FRMD5: variants seen among roughly 807,000 people sequenced by gnomAD.
FRMD5 encodes FERM domain-containing protein 5.
A neutral mutation model predicts 69.0 loss-of-function variants in FRMD5; 20 were observed. The observed-to-expected ratio is 0.29, with a 90% CI of 0.20 to 0.42. The LOEUF is 0.42. Ranked by LOEUF, FRMD5 falls within the 10% of genes least tolerant of loss-of-function variation. The pLI, the probability that FRMD5 is intolerant of heterozygous loss-of-function variation, is 1.00. For missense variants in FRMD5, 595 were observed against 708.6 expected (o/e 0.84, Z 1.82); for synonymous variants, 271 against 260.1 (o/e 1.04, Z -0.40).
chr15:44,129,962 T>G (rs547317463), intron 1 of FRMD5, among the ~76,000 whole-genome samples: 4 of 152,304 alleles, frequency 2.6e-5, no homozygotes, highest in Non-Finnish European at 5.9e-5. Context: ...GAACATCAGC[T>G]TGGGGAAGGC....
At chr15:44,110,954 A>G (rs2076787798) in intron 1 of FRMD5, among the ~76,000 whole-genome samples, 2 of 152,198 alleles carry the variant, frequency 1.3e-5, no homozygotes, top group African/African-American at 4.8e-5. Flanking sequence ...AAAGACTCGG[A>G]TATCTCTCCC....
chr15:43,998,107 T>C (rs965006347), intron 1 of FRMD5, among the ~76,000 whole-genome samples: 3 of 152,206 alleles, frequency 2.0e-5, no homozygotes, highest in African/African-American at 7.2e-5. Flanking sequence ...AACTAAGGTA[T>C]TGTCATCAGG....
intron 1 of FRMD5, among the ~76,000 whole-genome samples, chr15:43,984,940 C>T (rs1396264685): frequency 7.1e-6 from 1 of 141,128 alleles, no homozygotes; most frequent in East Asian, 2.2e-4. Context: ...GCCGAGATCG[C>T]GCCACTGCAC....
intron 1 of FRMD5, among the ~76,000 whole-genome samples, chr15:44,087,632 T>C (rs1894255433): frequency 6.6e-6 from 1 of 152,118 alleles, no homozygotes; most frequent in African/African-American, 2.4e-5. Context: ...ATCCCAAAAT[T>C]GTTGTAAGGA....
intron 1 of FRMD5, among the ~76,000 whole-genome samples, chr15:44,075,927 A>AT (rs1298662542): frequency 2.0e-5 from 3 of 152,038 alleles, no homozygotes; most frequent in Admixed American, 2.0e-4. Context: ...GATGATGAGC[A>AT]TTTTTTCATG....
chr15:43,982,260 G>A (rs1258708409), intron 1 of FRMD5, among the ~76,000 whole-genome samples: 2 of 152,194 alleles, frequency 1.3e-5, no homozygotes, highest in Non-Finnish European at 2.9e-5. Context: ...TTGAACTCAT[G>A]GGGTTCTGGG....
rs767954305 is a variant in FRMD5 at position 43,888,894 on chromosome 15, C to T, written c.729-22G>A. On this transcript the variant is annotated intron_variant, in intron 8 of 13. Transcript: ENST00000417257. ...ATTCCTAGAAGCACAAAGATAGTGC[C>T]TGTCACCTCATTGTGGGCTGCTTGT... The T allele has an allele frequency of 5.0e-6, 8 of 1,608,078 alleles. No homozygotes were observed. The South Asian group carries it at 8.8e-5, about 18-fold the overall frequency.
rs537981706 is a variant in FRMD5 at position 44,024,988 on chromosome 15, A to G, written c.103-100679T>C. 1.2e-4 allele frequency among the ~76,000 whole-genome samples: 19 copies of G among 152,314 alleles called. 1 individual carries two copies. In the South Asian group the frequency reaches 2.3e-3, roughly 18 times the overall value. On this transcript the variant is annotated intron_variant, in intron 1 of 13. Transcript: ENST00000417257. ...GTAACAGATTTGCTTTTAAATCTCA[A>G]CTTTACCAAACTAGCTGTATGAATT...
chr15:43,902,552 C>T (rs957557477), intron 6 of FRMD5, among the ~76,000 whole-genome samples: 16 of 151,892 alleles, frequency 1.1e-4, no homozygotes, highest in Admixed American at 3.3e-4. Context: ...ATTCCCATCA[C>T]TGAGAATGCA....
Position 43,874,351 on chromosome 15 carries a change from A to G in FRMD5, c.1247T>C (p.Val416Ala), listed in dbSNP as rs1238336263. The G allele has an allele frequency of 3.1e-6, 5 of 1,613,986 alleles. No individual in the cohort carries two copies. The highest frequency in any genetic ancestry group is 4.2e-6 in the Non-Finnish European group (5 of 1,180,004). Residue 416 changes from valine to alanine, a missense_variant, in exon 14 of 14, where the codon GTA becomes GCA. Val to Ala is a moderately conservative substitution (Grantham distance 64, BLOSUM62 0). Around this residue, in one of 5 missense-constraint regions of FRMD5, gnomAD observed 245 missense variants for 227.1 expected, o/e 1.08. Transcript: ENST00000417257. ...GTAGGCCTCGTCTGCAATCACAGCT[A>G]CTCGCTCATTGCTATCTGTCCGGCT... is the stretch of plus-strand genomic sequence containing the variant. ...RSSRTDSNER[V>A]AVIADEAYSP...
chr15:44,154,780 G>C (rs1247049590), intron 1 of FRMD5, among the ~76,000 whole-genome samples: 1 of 152,182 alleles, frequency 6.6e-6, no homozygotes, highest in Non-Finnish European at 1.5e-5. Flanking sequence ...GGCTGAAAGG[G>C]AGAGGTTACA....
At chr15:44,018,060 T>C (rs1313322778) in intron 1 of FRMD5, among the ~76,000 whole-genome samples, 1 of 152,218 alleles carries the variant, frequency 6.6e-6, no homozygotes, top group African/African-American at 2.4e-5. Context: ...TATATTAGCA[T>C]TTAAATCAAT....
chr15:44,015,206 ACT>A (rs963118366), intron 1 of FRMD5, among the ~76,000 whole-genome samples: 2 of 151,886 alleles, frequency 1.3e-5, no homozygotes, highest in Non-Finnish European at 2.9e-5. Context: ...TGTGATCATA[ACT>A]CACTGCAGCC....
At position 44,178,247 on chromosome 15, in the gene FRMD5, C is replaced by G. The variant is rs9972401; in HGVS notation, c.102+16706G>C. On this transcript the variant is annotated intron_variant, in intron 1 of 13. Coordinates refer to ENST00000417257, the MANE Select transcript of FRMD5 (RefSeq NM_032892.5). ...GCTCACACAAGGAGAATCGCTTGAA[C>G]CTGGGAGGTGGAAGTTGCAGCGAGC... Among the ~76,000 whole-genome samples the G allele has an allele frequency of 2.5e-4, 38 of 152,194 alleles. 1 individual carries two copies. Among genetic ancestry groups the G allele is most frequent in the African/African-American group, 8.9e-4 (37 of 41,506 alleles).
chr15:44,094,283 G>A (rs2076519371), intron 1 of FRMD5, among the ~76,000 whole-genome samples: 1 of 152,192 alleles, frequency 6.6e-6, no homozygotes, highest in African/African-American at 2.4e-5. Context: ...AGCAGAGGGA[G>A]AGGGAGCATG....
At chr15:43,902,792 T>A (rs549611379) in intron 6 of FRMD5, among the ~76,000 whole-genome samples, 1 of 152,086 alleles carries the variant, frequency 6.6e-6, no homozygotes, top group East Asian at 1.9e-4. Context: ...TTTAAAATAC[T>A]ATGGGGTAAA....
At chr15:44,108,965 A>AAAAT (rs2076758235) in intron 1 of FRMD5, among the ~76,000 whole-genome samples, 4 of 136,862 alleles carry the variant, frequency 2.9e-5, no homozygotes, top group Non-Finnish European at 6.2e-5. Flanking sequence ...CTCTCTAAAT[A>AAAAT]AAAATAAAAT....
At chr15:43,946,324 T>C (rs1019660849) in intron 1 of FRMD5, among the ~76,000 whole-genome samples, 1 of 152,214 alleles carries the variant, frequency 6.6e-6, no homozygotes, top group East Asian at 1.9e-4. Context: ...CTGTAAATAC[T>C]TATAAGTTAA....
chr15:44,178,946 T>G (rs899959352), intron 1 of FRMD5, among the ~76,000 whole-genome samples: 1 of 151,916 alleles, frequency 6.6e-6, no homozygotes, highest in African/African-American at 2.4e-5. Flanking sequence ...GAGCCAAGAT[T>G]GCACCACTGT....
Sources: gnomAD v4.1 joint callset for allele counts (sites outside exome capture counted in the v4.1 genomes callset) on GRCh38, gnomAD v4.1.1 for gene constraint, gnomAD v4.1.1 regional missense constraint, MANE v1.5 for transcripts, NCBI Gene and HGNC (gene_info 2026-07-23, HGNC 2026-07-21) for gene names.